Variants in ZNF468 observed in about 807,000 individuals in gnomAD.
ZNF468 encodes the protein zinc finger protein ZNF468.
Under a neutral mutation model 7.2 loss-of-function variants are expected in ZNF468, and 8 were observed. That is an observed-to-expected ratio of 1.11 (90% confidence interval 0.65 to 2.01). The LOEUF (loss-of-function observed/expected upper bound fraction) is 2.01. ZNF468 is among the 30% of genes most tolerant of loss of function. The pLI is 0.00. For synonymous variants in ZNF468, 218 were observed against 214.4 expected (o/e 1.02, Z -0.15); for missense variants, 608 against 626.5 (o/e 0.97, Z 0.31).
chr19:52,843,781 C>T (rs1348715459), intron 3 of ZNF468, among the ~76,000 whole-genome samples: 2 of 152,098 alleles, frequency 1.3e-5, no homozygotes. Context: ...AGATCACTAC[C>T]TTCTGATATA....
rs186391051 is a variant in ZNF468, at chr19:52,842,452, G to A, written c.143-301C>T. Among the ~76,000 whole-genome samples, 15 of 152,138 alleles carry A rather than the reference G, an allele frequency of 9.9e-5. No homozygotes were observed. The East Asian group carries it at 2.9e-3, about 29-fold the overall frequency. On this transcript the variant is annotated intron_variant, in intron 3 of 3. Transcript: ENST00000595646. ...CTGTGACCCTAAAGTGTGTCACACT[G>A]TGCAAAATACATATCACTGTCACAT...
rs991318037 is a variant in ZNF468, at chr19:52,838,150, T to C, written c.*2575A>G. 6.6e-6 allele frequency: 1 copy of C among 152,160 alleles called. No homozygotes were observed. Among genetic ancestry groups the C allele is most frequent in the Admixed American group, 6.5e-5 (1 of 15,270 alleles). 9.4% of individuals were successfully genotyped at this position (152,160 alleles called of 1,614,324 possible). A position where few individuals can be genotyped will look rare whatever the true frequency, so the allele number is the denominator to read the frequency against. On this transcript the variant is annotated 3_prime_UTR_variant, in exon 4 of 4. Coordinates refer to ENST00000595646, the MANE Select transcript of ZNF468 (RefSeq NM_001008801.2). ...TGTATTCAAGAGGATATTAAAAGGA[T>C]TGTAGATATGCAAGTGCCACTTATT...
In ZNF468 at chr19:52,839,969, C is replaced by A; in HGVS notation, c.*756G>T. ...TTACATTAGTCAAGTTTCCCTATAC[C>A]ATGGATTGCTTGATGGTGAATAAGT... On this transcript the variant is annotated 3_prime_UTR_variant, in exon 4 of 4. Transcript: ENST00000595646. The A allele has an allele frequency of 7.8e-7, 1 of 1,275,376 alleles. No homozygotes were observed. The highest frequency in any genetic ancestry group is 1.1e-6 in the Non-Finnish European group (1 of 945,874). 79.0% of individuals were successfully genotyped at this position (1,275,376 alleles called of 1,614,324 possible). A position where few individuals can be genotyped will look rare whatever the true frequency, so the allele number is the denominator to read the frequency against.
Position 52,841,437 on chromosome 19 carries a change from A to C in ZNF468, c.857T>G (p.Leu286Arg). The change falls in exon 4 of 4, where the codon CTC becomes CGC. Residue 286 changes from leucine to arginine, a missense_variant. By Grantham distance (102) the Leu-to-Arg change is moderately radical. Transcript: ENST00000595646. ...AGTATGAAGCGCTTTGTGAATGAAG[A>C]GGGATGAATTATGACCAAAGGTCTT... The part of the protein sequence containing the change: ...CGKTFGHNSS[L>R]FIHKALHTGE... 6.2e-7 allele frequency: 1 copy of C among 1,614,032 alleles called. No individual in the cohort carries two copies. Among genetic ancestry groups the C allele is most frequent in the South Asian group, 1.1e-5 (1 of 91,068 alleles).
chr19:52,839,502 A>C lies in ZNF468; in HGVS notation c.*1223T>G, dbSNP rs146579545. ...GCTGATTTGACTCTAATGTCAATTAATGCTTGATGGTTTGCTATACTCACT... is the reference window on the plus strand; with the variant it reads ...GCTGATTTGACTCTAATGTCAATTACTGCTTGATGGTTTGCTATACTCACT... On this transcript the variant is annotated 3_prime_UTR_variant, in exon 4 of 4. Transcript: ENST00000595646. The C allele has an allele frequency of 1.6e-3, 697 of 449,544 alleles. 11 individuals are homozygous for C. Among genetic ancestry groups the C allele is most frequent in the African/African-American group, 0.012 (591 of 49,078 alleles). 27.8% of individuals were successfully genotyped at this position (449,544 alleles called of 1,614,324 possible). A position where few individuals can be genotyped will look rare whatever the true frequency, so the allele number is the denominator to read the frequency against.
At chr19:52,850,765 G>A (rs1328572447) in intron 2 of ZNF468, among the ~76,000 whole-genome samples, 3 of 151,854 alleles carry the variant, frequency 2.0e-5, no homozygotes, top group East Asian at 3.9e-4. Flanking sequence ...CGGGCGTGGT[G>A]GCGGGCGCCT....
intron 3 of ZNF468, among the ~76,000 whole-genome samples, chr19:52,847,962 C>T (rs1007101519): frequency 6.6e-6 from 1 of 152,196 alleles, no homozygotes; most frequent in African/African-American, 2.4e-5. Context: ...TAAACTTTGT[C>T]TCTGTGTCTT....
At chr19:52,842,709 C>T (rs2063314284) in intron 3 of ZNF468, among the ~76,000 whole-genome samples, 1 of 148,140 alleles carries the variant, frequency 6.8e-6, no homozygotes. Context: ...CCAGCTACTC[C>T]AGAGGCTGCG....
chr19:52,849,215 T>G lies in ZNF468; in HGVS notation c.16-2A>C. 1.9e-6 allele frequency: 3 copies of G among 1,613,616 alleles called. No homozygotes were observed. The highest frequency in any genetic ancestry group is 2.5e-6 in the Non-Finnish European group (3 of 1,179,728). On this transcript the variant is annotated splice_acceptor_variant, in intron 2 of 3. Coordinates refer to ENST00000595646, the MANE Select transcript of ZNF468 (RefSeq NM_001008801.2). LOFTEE classifies it high-confidence loss of function. ...CACGTCCCTGAATGTCAATAGACCC[T>G]GAAATGAAAACACATTTTAACCAAA...
chr19:52,841,249 GAAGTA>G lies in ZNF468; in HGVS notation c.1040_1044del (p.Ile347ThrfsTer10), dbSNP rs1568673885. 4.3e-6 allele frequency: 7 copies of G among 1,613,802 alleles called. No individual in the cohort carries two copies. The highest frequency in any genetic ancestry group is 1.7e-6 in the Non-Finnish European group (2 of 1,179,968). On this transcript the variant is annotated frameshift_variant, in exon 4 of 4. Coordinates refer to ENST00000595646, the MANE Select transcript of ZNF468 (RefSeq NM_001008801.2). LOFTEE classifies it low-confidence loss of function (END_TRUNC). ...CATGTGTAAGGTTTCTCTCCAGTGT[GAAGTA>G]TAGTATGTTTTGCCAGATATGAATT...
At chr19:52,847,551 C>T (rs2147735042) in intron 3 of ZNF468, among the ~76,000 whole-genome samples, 1 of 152,052 alleles carries the variant, frequency 6.6e-6, no homozygotes, top group East Asian at 1.9e-4. Flanking sequence ...GTCTCCTGTT[C>T]ATCCCTGGGA....
Position 52,851,116 on chromosome 19 carries a change from T to C in ZNF468, c.16-1903A>G, listed in dbSNP as rs140056005. On this transcript the variant is annotated intron_variant, in intron 2 of 3. Transcript: ENST00000595646. ...GGTGAAACACTGTCTCTTCTAAAAA[T>C]ACAAAAAAAATTAGCCACGGGTGAT... is the stretch of plus-strand genomic sequence containing the variant. 7.5e-3 allele frequency among the ~76,000 whole-genome samples: 1,143 copies of C among 151,500 alleles called. 14 individuals carry two copies. The highest frequency in any genetic ancestry group is 0.026 in the African/African-American group (1,091 of 41,288).
At chr19:52,853,400 C>T (rs938947797) in intron 2 of ZNF468, among the ~76,000 whole-genome samples, 2 of 152,038 alleles carry the variant, frequency 1.3e-5, no homozygotes, top group African/African-American at 4.8e-5. Flanking sequence ...TTAATAATAA[C>T]TGGTGGGGCT....
rs2063300056 is a variant in ZNF468, at chr19:52,841,514, G to A, written c.780C>T (p.Cys260=). 2.5e-6 allele frequency: 4 copies of A among 1,614,000 alleles called. No homozygotes were observed. Among genetic ancestry groups the A allele is most frequent in the Non-Finnish European group, 2.5e-6 (3 of 1,180,036 alleles). Residue 260 remains cysteine, a synonymous_variant, in exon 4 of 4, where the codon TGC becomes TGT. Coordinates refer to ENST00000595646, the MANE Select transcript of ZNF468 (RefSeq NM_001008801.2). ...KVFNQKRYLA[C]HRRCHTGEKP... ...TCTCACCAGTGTGACATCTACGATG[G>A]CAGGCAAGGTATCGCTTCTGATTAA...
At chr19:52,844,831 G>C (rs1310991565) in intron 3 of ZNF468, among the ~76,000 whole-genome samples, 1 of 151,976 alleles carries the variant, frequency 6.6e-6, no homozygotes, top group African/African-American at 2.4e-5. Flanking sequence ...GAGCCACCGC[G>C]GCCAGCCAGT....
chr19:52,842,088 A>C lies in ZNF468; in HGVS notation c.206T>G (p.Ile69Ser), dbSNP rs376666708. The C allele has an allele frequency of 6.2e-7, 1 of 1,613,164 alleles. No individual in the cohort carries two copies. The highest frequency in any genetic ancestry group is 8.5e-7 in the Non-Finnish European group (1 of 1,179,614). ...SSTGQGNTEVIHTGTLHRQAS... is the reference protein window; with the variant it reads ...SSTGQGNTEVSHTGTLHRQAS... The stretch of plus-strand genomic sequence containing the variant: ...TTGTCTGTGCAATGTCCCTGTGTGG[A>C]TCACTTCTGTATTGCCTTGCCCTGT... The change falls in exon 4 of 4, where the codon ATC becomes AGC. Residue 69 changes from isoleucine (I) to serine (S), a missense_variant. Physicochemically the swap from Ile to Ser is moderately radical, Grantham distance 142 (BLOSUM62 -2). Transcript: ENST00000595646.
At chr19:52,851,932 GTGTATGTA>G (rs972508053) in intron 2 of ZNF468, among the ~76,000 whole-genome samples, 1 of 152,026 alleles carries the variant, frequency 6.6e-6, no homozygotes, top group Non-Finnish European at 1.5e-5. Flanking sequence ...ATAGATGTGT[GTGTATGTA>G]TGTATGTATA....
At position 52,841,394 on chromosome 19, in the gene ZNF468, T is replaced by C; in HGVS notation, c.900A>G (p.Glu300=). The C allele has an allele frequency of 6.2e-7, 1 of 1,614,034 alleles. No individual in the cohort carries two copies. Among genetic ancestry groups the C allele is most frequent in the Non-Finnish European group, 8.5e-7 (1 of 1,179,994 alleles). Residue 300 remains glutamate, a synonymous_variant, in exon 4 of 4, where the codon GAA becomes GAG. Coordinates refer to ENST00000595646, the MANE Select transcript of ZNF468 (RefSeq NM_001008801.2). ...KALHTGEKPY[E]CEECDKVFSR... ...TGAAAACTTTGTCACATTCTTCACA[T>C]TCATAAGGTTTCTCTCCAGTATGAA...
At chr19:52,855,353 C>T (rs1943481639) in intron 1 of ZNF468, among the ~76,000 whole-genome samples, 1 of 152,176 alleles carries the variant, frequency 6.6e-6, no homozygotes, top group African/African-American at 2.4e-5. Flanking sequence ...CATTTAGAAA[C>T]ATTGAATAAG....
Sources: gnomAD v4.1 joint callset for allele counts (sites outside exome capture counted in the v4.1 genomes callset) on GRCh38, gnomAD v4.1.1 for gene constraint, MANE v1.5 for transcripts, NCBI Gene and HGNC (gene_info 2026-07-23, HGNC 2026-07-21) for gene names.